MRPL33: variants seen among roughly 807,000 people sequenced by gnomAD.
MRPL33 encodes the protein large ribosomal subunit protein bL33m.
A neutral mutation model predicts 10.1 loss-of-function variants in MRPL33; 5 were observed. The observed-to-expected ratio is 0.49, with a 90% confidence interval of 0.26 to 1.04. The LOEUF (loss-of-function observed/expected upper bound fraction) is 1.04, where lower values mean the gene tolerates loss of function less well. MRPL33 is among the 50% of genes least tolerant of loss of function. The pLI is 0.14. For synonymous variants in MRPL33, 24 were observed against 27.7 expected (o/e 0.87, Z 0.42); for missense variants, 79 against 78.1 (o/e 1.01, Z -0.04).
intron 3 of MRPL33, among the ~76,000 whole-genome samples, chr2:27,776,832 A>G (rs569352698): frequency 1.6e-4 from 25 of 152,232 alleles, no homozygotes; most frequent in South Asian, 4.1e-4. Context: ...CATGTTTACA[A>G]TTGTGGGTAG....
At position 27,772,980 on chromosome 2, in the gene MRPL33, T is replaced by C. The variant is rs527459268; in HGVS notation, c.41+288T>C. The C allele has an allele frequency of 5.6e-5, 22 of 393,992 alleles. No individual in the cohort carries two copies. In the East Asian group the frequency reaches 8.0e-4, roughly 14 times the overall value. 24.4% of individuals were successfully genotyped at this position (393,992 alleles called of 1,614,324 possible). A position where few individuals can be genotyped will look rare whatever the true frequency, so the allele number is the denominator to read the frequency against. ...TCACTGTCTGTTTCTAAACAAACCA[T>C]TGGGCTGTGCTGTATTTGGACTACC... On this transcript the variant is annotated intron_variant, in intron 2 of 3. Transcript: ENST00000296102.
At position 27,777,553 on chromosome 2, in the gene MRPL33, A is replaced by G. The variant is rs529993720; in HGVS notation, c.149-1880A>G. On this transcript the variant is annotated intron_variant, in intron 3 of 3. Coordinates refer to ENST00000296102, the MANE Select transcript of MRPL33 (RefSeq NM_004891.4). ...ACTTTCCATGAGGACTTCTGTCACC[A>G]TTCCTGTCCCTTTCTGACCTTTAGG... Among the ~76,000 whole-genome samples the G allele has an allele frequency of 1.7e-4, 26 of 151,932 alleles. No individual in the cohort carries two copies. The South Asian group carries it at 5.0e-3, about 29-fold the overall frequency.
intron 3 of MRPL33, 42 bp from the exon 4 acceptor site, chr2:27,779,388 ATAC>A: frequency 6.4e-7 from 1 of 1,571,688 alleles, no homozygotes; most frequent in Non-Finnish European, 8.6e-7. Flanking sequence ...AATGGCGATG[ATAC>A]TTAATAATTT....
At chr2:27,773,721 CCT>C (rs1433090163) in intron 2 of MRPL33, among the ~76,000 whole-genome samples, 3 of 152,206 alleles carry the variant, frequency 2.0e-5, no homozygotes, top group Non-Finnish European at 4.4e-5. Context: ...ATACTGTATG[CCT>C]CTTATGAGGC....
chr2:27,772,921 C>A, intron 2 of MRPL33: 1 of 491,962 alleles, frequency 2.0e-6, no homozygotes, highest in Non-Finnish European at 3.6e-6. Flanking sequence ...TTGAAGGAAC[C>A]TTTGCTGCTT....
At position 27,771,752 on chromosome 2, in the gene MRPL33, A is replaced by T. The variant is rs774254427; in HGVS notation, c.-26A>T. On this transcript the variant is annotated 5_prime_UTR_variant, in exon 1 of 4. Coordinates refer to ENST00000296102, the MANE Select transcript of MRPL33 (RefSeq NM_004891.4). ...TTGGTTGGGGGCCTTTTGGCCGGTGACGGAGACTGCCCAGGTGTGGTCACC... is the reference window on the plus strand; with the variant it reads ...TTGGTTGGGGGCCTTTTGGCCGGTGTCGGAGACTGCCCAGGTGTGGTCACC... The T allele has an allele frequency of 6.2e-7, 1 of 1,614,042 alleles. No individual in the cohort carries two copies.
intron 1 of MRPL33, chr2:27,772,112 T>C: frequency 2.5e-6 from 1 of 398,982 alleles, no homozygotes; most frequent in Non-Finnish European, 4.5e-6. Context: ...GACCTCAGAA[T>C]TTGCAGCCCA....
rs777800425 is a variant in MRPL33 at position 27,774,495 on chromosome 2, G to C, written c.113G>C (p.Arg38Pro). ...FCFNTKRNRL[R>P]EKLTLLHYDP... The stretch of plus-strand genomic sequence containing the variant: ...TTCAACACCAAGAGAAACCGACTGC[G>C]GGAAAAACTGACTCTTTTGCATTAT... Residue 38 changes from arginine (R) to proline (P), a missense_variant, in exon 3 of 4, where the codon CGG (arginine) becomes CCG (proline). Coordinates refer to ENST00000296102, the MANE Select transcript of MRPL33 (RefSeq NM_004891.4). The C allele has an allele frequency of 1.9e-6, 3 of 1,613,962 alleles. No homozygotes were observed. In the Admixed American group the frequency reaches 5.0e-5, roughly 27 times the overall value.
At chr2:27,773,511 C>G (rs969119433) in intron 2 of MRPL33, among the ~76,000 whole-genome samples, 2 of 152,126 alleles carry the variant, frequency 1.3e-5, no homozygotes, top group African/African-American at 4.8e-5. Flanking sequence ...TTCTTTCTAC[C>G]CTTGTGACAT....
rs1677110906 is a variant in MRPL33, at chr2:27,774,451, A to G, written c.69A>G (p.Glu23=). ...SKNILVRMVS[E]AGTGFCFNTK... is the part of the protein sequence containing the mutation. ...ACATTCTGGTGAGAATGGTGAGCGAAGCTGGGACAGGTTTCTGCTTCAACA... is the reference window on the plus strand; with the variant it reads ...ACATTCTGGTGAGAATGGTGAGCGAGGCTGGGACAGGTTTCTGCTTCAACA... The change falls in exon 3 of 4, where the codon GAA becomes GAG. Residue 23 remains glutamate (E), a synonymous_variant. Coordinates refer to ENST00000296102, the MANE Select transcript of MRPL33 (RefSeq NM_004891.4). 3 of 1,614,164 alleles carry G rather than the reference A, an allele frequency of 1.9e-6. No homozygotes were observed. The East Asian group carries it at 6.7e-5, about 36-fold the overall frequency.
chr2:27,778,272 G>C (rs1677212544), intron 3 of MRPL33, among the ~76,000 whole-genome samples: 2 of 152,168 alleles, frequency 1.3e-5, no homozygotes. Flanking sequence ...CTCATATGCA[G>C]AGTATCCATA....
chr2:27,771,884 G>A, intron 1 of MRPL33, 85 bp downstream of exon 1: 1 of 1,379,470 alleles, frequency 7.2e-7, no homozygotes, highest in Non-Finnish European at 1.0e-6. Context: ...ATGCGGGGAA[G>A]GATGTGCGAA....
intron 2 of MRPL33, chr2:27,772,985 C>G (rs1346411078): frequency 2.7e-6 from 1 of 369,720 alleles, no homozygotes; most frequent in African/African-American, 2.1e-5. Context: ...AACCATTGGG[C>G]TGTGCTGTAT....
chr2:27,774,674 T>G, intron 3 of MRPL33, 144 bp downstream of exon 3: 1 of 653,638 alleles, frequency 1.5e-6, no homozygotes, highest in Non-Finnish European at 2.7e-6. Flanking sequence ...ATGATGCTAT[T>G]TAACATCCCA....
intron 1 of MRPL33, 25 bp from the exon 2 acceptor site, chr2:27,772,648 TC>T: frequency 6.4e-7 from 1 of 1,573,258 alleles, no homozygotes; most frequent in Non-Finnish European, 8.7e-7. Flanking sequence ...TATTTTCTTT[TC>T]CAACCCTTCC....
Position 27,774,529 on chromosome 2 carries a change from TG to T in MRPL33, c.148+1del. On this transcript the variant is annotated frameshift_variant and splice_region_variant, in exon 3 of 4. Coordinates refer to ENST00000296102, the MANE Select transcript of MRPL33 (RefSeq NM_004891.4). LOFTEE classifies it high-confidence loss of function. ...KLTLLHYDPVVKQRVLFVEKK... is the reference protein window; with the variant it reads ...KLTLLHYDPVXKQRVLFVEKK... ...TGACTCTTTTGCATTATGATCCAGTTGGTAAGATCTGGGGAGGTTAATGCTT... is the reference window on the plus strand; with the variant it reads ...TGACTCTTTTGCATTATGATCCAGTTGTAAGATCTGGGGAGGTTAATGCTT... The T allele has an allele frequency of 6.2e-7, 1 of 1,613,116 alleles. No individual in the cohort carries two copies. The highest frequency in any genetic ancestry group is 2.2e-5 in the East Asian group (1 of 44,882).
chr2:27,777,031 T>C (rs1480120891), intron 3 of MRPL33, among the ~76,000 whole-genome samples: 1 of 152,184 alleles, frequency 6.6e-6, no homozygotes, highest in Admixed American at 6.5e-5. Context: ...CAAGTCCCTG[T>C]TCTTCTATGT....
Position 27,771,804 on chromosome 2 carries a change from GT to G in MRPL33, c.22+6del. ...TGTTCCTCTCCGCGGTCTTCTGTAA[GT>G]GGGGCTGGAGACGCCGGTAGGGGTT... On this transcript the variant is annotated splice_donor_region_variant and intron_variant, in intron 1 of 3. Coordinates refer to ENST00000296102, the MANE Select transcript of MRPL33 (RefSeq NM_004891.4). The G allele has an allele frequency of 6.2e-7, 1 of 1,613,796 alleles. No homozygotes were observed. Among genetic ancestry groups the G allele is most frequent in the Non-Finnish European group, 8.5e-7 (1 of 1,179,690 alleles).
intron 2 of MRPL33, among the ~76,000 whole-genome samples, chr2:27,774,067 A>G (rs779888198): frequency 4.6e-5 from 7 of 152,276 alleles, no homozygotes; most frequent in Middle Eastern, 3.4e-3. Flanking sequence ...GATCTTTACA[A>G]TTTCCTCACT....
Sources: allele counts gnomAD v4.1 joint callset (sites outside exome capture counted in the v4.1 genomes callset), GRCh38; gene constraint gnomAD v4.1.1; transcripts MANE v1.5; gene names NCBI Gene and HGNC (gene_info 2026-07-23, HGNC 2026-07-21).